Variants in NOX5 observed in about 807,000 individuals in gnomAD.
NOX5 encodes the protein NADPH oxidase, EF-hand calcium binding domain 5.
Under a neutral mutation model 85.7 loss-of-function variants are expected in NOX5, and 76 were observed. The observed-to-expected ratio is 0.89, with a 90% CI of 0.74 to 1.07. The LOEUF is 1.07. Ranked by LOEUF, NOX5 falls within the 50% of genes least tolerant of loss-of-function variation. The pLI, the probability that NOX5 is intolerant of heterozygous loss-of-function variation, is 0.00. For synonymous variants in NOX5, 405 were observed against 401.4 expected (o/e 1.01, Z -0.11); for missense variants, 973 against 999.5 (o/e 0.97, Z 0.36).
In NOX5 at chr15:69,033,066, C is replaced by T. The variant is rs1337255003; in HGVS notation, c.644C>T (p.Pro215Leu). 1.9e-6 allele frequency: 3 copies of T among 1,543,588 alleles called. No individual in the cohort carries two copies. The East Asian group carries it at 7.1e-5, about 36-fold the overall frequency. The change falls in exon 5 of 16, where the codon CCC becomes CTC. Residue 215 changes from proline to leucine, a missense_variant. By Grantham distance (98) the Pro-to-Leu change is moderately conservative (BLOSUM62 -3). Coordinates refer to ENST00000388866, the MANE Select transcript of NOX5 (RefSeq NM_024505.4). ...AGCGCTGCCCACTGGCTGACGGCCCCCGCCCCCCGCCCACGCCCGCGCCGG... is the reference window on the plus strand; with the variant it reads ...AGCGCTGCCCACTGGCTGACGGCCCTCGCCCCCCGCCCACGCCCGCGCCGG... ...TISAAHWLTAPAPRPRPRRPR... is the reference protein window; with the variant it reads ...TISAAHWLTALAPRPRPRRPR...
rs568848796 is a variant in NOX5 at position 69,056,783 on chromosome 15, A to C, written c.*87A>C. ...AAATGCCCCCACAGGGACCAGCCTCAGATGACCCACCCAATAAGACAAAGC... is the reference window on the plus strand; with the variant it reads ...AAATGCCCCCACAGGGACCAGCCTCCGATGACCCACCCAATAAGACAAAGC... On this transcript the variant is annotated 3_prime_UTR_variant, in exon 16 of 16. Transcript: ENST00000388866. 2.6e-5 allele frequency: 39 copies of C among 1,514,454 alleles called. No individual in the cohort carries two copies. Among genetic ancestry groups the C allele is most frequent in the Non-Finnish European group, 3.3e-5 (37 of 1,123,080 alleles). The allele number at this position is 1,514,454 out of a possible 1,614,324, so 93.8% of individuals were successfully genotyped here.
At chr15:69,029,597 G>C (rs961048506) in intron 3 of NOX5, 5 of 151,952 alleles carry the variant, frequency 3.3e-5, no homozygotes, top group African/African-American at 1.2e-4. Context: ...GTTTTCCACA[G>C]TGGCTGCATT....
intron 14 of NOX5, among the ~76,000 whole-genome samples, chr15:69,049,808 T>G (rs1172600684): frequency 6.6e-6 from 1 of 152,160 alleles, no homozygotes; most frequent in Non-Finnish European, 1.5e-5. Flanking sequence ...CACACTAATT[T>G]GTGTTTGGCT....
intron 1 of NOX5, among the ~76,000 whole-genome samples, chr15:69,016,567 A>G (rs1480955340): frequency 6.6e-6 from 1 of 152,160 alleles, no homozygotes; most frequent in East Asian, 1.9e-4. Flanking sequence ...CCTGTGGGAA[A>G]TGGGAATCCA....
At chr15:69,027,735 C>A (rs1460041821) in intron 2 of NOX5, among the ~76,000 whole-genome samples, 1 of 152,072 alleles carries the variant, frequency 6.6e-6, no homozygotes. Context: ...ATGTAGGCAG[C>A]CTTAAGAACA....
At chr15:69,021,349 CTT>C (rs59303957) in intron 1 of NOX5, among the ~76,000 whole-genome samples, 44 of 133,932 alleles carry the variant, frequency 3.3e-4, no homozygotes, top group Admixed American at 3.8e-4. Flanking sequence ...CTTTTGAATT[CTT>C]TTTTTTTTTT....
In NOX5 at chr15:69,058,522, AGAG is replaced by A. The variant is rs1167577305; in HGVS notation, c.*1833_*1835del. 6.6e-6 allele frequency: 1 copy of A among 152,652 alleles called. No individual in the cohort carries two copies. The highest frequency in any genetic ancestry group is 6.5e-5 in the Admixed American group (1 of 15,276). The allele number at this position is 152,652 out of a possible 1,614,324, so 9.5% of individuals were successfully genotyped here. ...GAGGAGGAACGGGAAGAAGAATACG[AGAG>A]GAGGAGTGGGGCCTGCAGTCAAGGA... On this transcript the variant is annotated 3_prime_UTR_variant, in exon 16 of 16. Coordinates refer to ENST00000388866, the MANE Select transcript of NOX5 (RefSeq NM_024505.4).
At chr15:69,035,970 G>C (rs1260053020) in intron 7 of NOX5, 34 bp downstream of exon 7, 1 of 1,611,694 alleles carries the variant, frequency 6.2e-7, no homozygotes, top group Admixed American at 1.7e-5. Flanking sequence ...CTTCCCCCAA[G>C]GCCAGGGTCC....
In NOX5 at chr15:69,033,167, C is replaced by T; in HGVS notation, c.745C>T (p.His249Tyr). Residue 249 changes from histidine to tyrosine, a missense_variant, in exon 5 of 16, where the codon CAC (histidine) becomes TAC (tyrosine). Physicochemically the swap from His to Tyr is moderately conservative, Grantham distance 83 (BLOSUM62 2). Coordinates refer to ENST00000388866, the MANE Select transcript of NOX5 (RefSeq NM_024505.4). ...LFCLATYAGL[H>Y]VLLFGLAASA... ...CTGCCTGGCCACCTATGCAGGCCTCCACGTGCTGCTCTTCGGGCTGGCGGC... is the reference window on the plus strand; with the variant it reads ...CTGCCTGGCCACCTATGCAGGCCTCTACGTGCTGCTCTTCGGGCTGGCGGC... The T allele has an allele frequency of 6.3e-7, 1 of 1,585,132 alleles. No homozygotes were observed. Among genetic ancestry groups the T allele is most frequent in the African/African-American group, 1.3e-5 (1 of 74,802 alleles).
intron 13 of NOX5, 67 bp downstream of exon 13, chr15:69,047,978 C>G: frequency 7.1e-7 from 1 of 1,412,600 alleles, no homozygotes; most frequent in Non-Finnish European, 1.0e-6. Context: ...AAATAGGAGC[C>G]CATCCTCCTG....
chr15:69,045,429 G>T (rs767387106), intron 10 of NOX5, among the ~76,000 whole-genome samples: 1 of 151,982 alleles, frequency 6.6e-6, no homozygotes, highest in Non-Finnish European at 1.5e-5. Context: ...GTCTGCTAAG[G>T]CTCCATGCCA....
intron 12 of NOX5, 82 bp downstream of exon 12, chr15:69,047,619 CTCCT>C: frequency 2.7e-6 from 4 of 1,493,918 alleles, no homozygotes; most frequent in Non-Finnish European, 3.6e-6. Context: ...TTTATTCCTT[CTCCT>C]TCCTCTCCTT....
At chr15:69,040,825 G>T (rs140960314) in intron 9 of NOX5, among the ~76,000 whole-genome samples, 1 of 152,050 alleles carries the variant, frequency 6.6e-6, no homozygotes, top group East Asian at 1.9e-4. Flanking sequence ...TTACAGGCAC[G>T]TGCCACCATG....
chr15:69,033,017 C>T, intron 4 of NOX5, 26 bp from the exon 5 acceptor site: 1 of 1,535,474 alleles, frequency 6.5e-7, no homozygotes. Flanking sequence ...CCGCTCGCCT[C>T]TGAGCGGAAC....
chr15:69,047,899 G>A lies in NOX5; in HGVS notation c.1887G>A (p.Met629Ile). Residue 629 changes from methionine (M) to isoleucine (I), a missense_variant, in exon 13 of 16, where the codon ATG becomes ATA. By Grantham distance (10) the Met-to-Ile change is conservative. Transcript: ENST00000388866. ...HSWIEGVQDN[M>I]KLHKVDFIWI... ...GGATCGAAGGTGTCCAAGACAACATGAAGCTCCATAAGGTGAGTACCACCT... is the reference window on the plus strand; with the variant it reads ...GGATCGAAGGTGTCCAAGACAACATAAAGCTCCATAAGGTGAGTACCACCT... The A allele has an allele frequency of 6.2e-7, 1 of 1,614,174 alleles. No individual in the cohort carries two copies. Among genetic ancestry groups the A allele is most frequent in the Non-Finnish European group, 8.5e-7 (1 of 1,180,024 alleles).
rs1224693042 is a variant in NOX5 at position 69,059,226 on chromosome 15, G to GT, written c.*2534dup. 6.6e-6 allele frequency: 1 copy of GT among 152,204 alleles called. No homozygotes were observed. Among genetic ancestry groups the GT allele is most frequent in the Non-Finnish European group, 1.5e-5 (1 of 68,054 alleles). 9.4% of individuals were successfully genotyped at this position (152,204 alleles called of 1,614,324 possible). On this transcript the variant is annotated 3_prime_UTR_variant, in exon 16 of 16. Coordinates refer to ENST00000388866, the MANE Select transcript of NOX5 (RefSeq NM_024505.4). ...GACGACCATATGCCCGTGTCCTGAG[G>GT]TTTTCTCTCCAGACAGATTCCAGTT...
At chr15:69,017,493 C>T (rs1038524785) in intron 1 of NOX5, among the ~76,000 whole-genome samples, 4 of 152,132 alleles carry the variant, frequency 2.6e-5, no homozygotes, top group African/African-American at 9.7e-5. Context: ...ATTCTTTTAA[C>T]CAATTGCCAA....
At chr15:69,040,406 T>A (rs997078614) in intron 9 of NOX5, among the ~76,000 whole-genome samples, 1 of 152,122 alleles carries the variant, frequency 6.6e-6, no homozygotes, top group Non-Finnish European at 1.5e-5. Context: ...CTTCCAGCTC[T>A]CTCTCTCTAT....
Position 69,042,717 on chromosome 15 carries a change from A to C in NOX5, c.1559A>C (p.Glu520Ala), listed in dbSNP as rs188696954. 5.0e-5 allele frequency: 81 copies of C among 1,614,128 alleles called. 1 individual carries two copies. The South Asian group carries it at 8.1e-4, about 16-fold the overall frequency. ...GGCCAGTGGACAAACAGGCTGTATG[A>C]GTCCTTCAAGGCATCAGACCCACTG... ...SQGQWTNRLYESFKASDPLGR... is the reference protein window; with the variant it reads ...SQGQWTNRLYASFKASDPLGR... Residue 520 changes from glutamate (E) to alanine (A), a missense_variant, in exon 10 of 16, where the codon GAG (glutamate) becomes GCG (alanine). Physicochemically the swap from Glu to Ala is moderately radical, Grantham distance 107. Coordinates refer to ENST00000388866, the MANE Select transcript of NOX5 (RefSeq NM_024505.4).
Sources: gnomAD v4.1 joint callset for allele counts (sites outside exome capture counted in the v4.1 genomes callset) on GRCh38, gnomAD v4.1.1 for gene constraint, MANE v1.5 for transcripts, NCBI Gene and HGNC (gene_info 2026-07-23, HGNC 2026-07-21) for gene names.